The following KRABD2 variants were observed in gnomAD, a reference collection of about 807,000 sequenced individuals.
The protein encoded by KRABD2 is KRAB domain-containing protein 2.
chr17:8,371,394 G>C, the KRABD2 span: 1 of 1,614,088 alleles, frequency 6.2e-7, no homozygotes, highest in South Asian at 1.1e-5. Flanking sequence ...TCCAATCTTT[G>C]GTCATATTTT....
At chr17:8,363,803 A>G in the KRABD2 span, among the ~76,000 whole-genome samples, 1 of 130,106 alleles carries the variant, frequency 7.7e-6, no homozygotes, top group African/African-American at 3.4e-5. Flanking sequence ...TATCATACAT[A>G]TATATATCAT....
chr17:8,371,767 T>TA, the KRABD2 span: 1 of 1,246,492 alleles, frequency 8.0e-7, no homozygotes, highest in South Asian at 3.2e-5. Context: ...TGATGACTCC[T>TA]AACAGGGGTG....
the KRABD2 span, chr17:8,369,513 T>A: frequency 1.9e-6 from 3 of 1,614,126 alleles, no homozygotes; most frequent in Non-Finnish European, 2.5e-6. Flanking sequence ...GTTCTTTACA[T>A]CACGGCTTGC....
chr17:8,374,433 C>G, the KRABD2 span, among the ~76,000 whole-genome samples: 1 of 151,958 alleles, frequency 6.6e-6, no homozygotes, highest in African/African-American at 2.4e-5. Flanking sequence ...GCAGCATGCT[C>G]GCTAAGAGTC....
chr17:8,371,317 A>C, the KRABD2 span: 1 of 1,607,660 alleles, frequency 6.2e-7, no homozygotes. Context: ...ACCCTGTGGG[A>C]CCGTGTTCTC....
At chr17:8,369,213 A>AT in the KRABD2 span, 12 of 1,614,056 alleles carry the variant, frequency 7.4e-6, no homozygotes, top group Admixed American at 1.8e-4. Flanking sequence ...GTCATCGTCC[A>AT]TATCAGATCT....
chr17:8,362,576 G>A, the KRABD2 span, among the ~76,000 whole-genome samples: 3 of 152,144 alleles, frequency 2.0e-5, no homozygotes, highest in Admixed American at 6.5e-5. The surrounding 1 kb of genome is among the most constrained non-coding windows in gnomAD (Gnocchi z 4.2). Context: ...CTCTAAACTC[G>A]GTGGCTTGAA....
At chr17:8,371,356 C>A in the KRABD2 span, 1 of 1,614,202 alleles carries the variant, frequency 6.2e-7, no homozygotes, top group South Asian at 1.1e-5. Context: ...GTCTCTGTAG[C>A]AATCCTTTTG....
chr17:8,363,859 A>ATATATATATATATT, the KRABD2 span, among the ~76,000 whole-genome samples: 2 of 74,964 alleles, frequency 2.7e-5, no homozygotes, highest in Non-Finnish European at 5.6e-5. Context: ...ATATATATAT[A>ATATATATATATATT]TATTTATTTA....
chr17:8,371,944 G>A, the KRABD2 span: 3 of 990,100 alleles, frequency 3.0e-6, no homozygotes, highest in Non-Finnish European at 3.6e-6. Flanking sequence ...GGATTCCTTA[G>A]TCAGAACAGC....
chr17:8,367,446 C>A, the KRABD2 span, among the ~76,000 whole-genome samples: 1 of 151,850 alleles, frequency 6.6e-6, no homozygotes, highest in South Asian at 2.1e-4. Context: ...CTGCAGTGAG[C>A]CCAGATCATG....
At chr17:8,364,662 G>A in the KRABD2 span, among the ~76,000 whole-genome samples, 1 of 152,094 alleles carries the variant, frequency 6.6e-6, no homozygotes, top group African/African-American at 2.4e-5. This position sits in a 1 kb window ranked among gnomAD's most constrained non-coding sequence, Gnocchi z 4.4. Context: ...CATATGCCGA[G>A]TTCTCAAGAG....
the KRABD2 span, chr17:8,369,701 C>T: frequency 6.2e-7 from 1 of 1,614,200 alleles, no homozygotes; most frequent in Non-Finnish European, 8.5e-7. Context: ...CACTGACCAC[C>T]TCATGGGCCT....
chr17:8,371,570 TAAATGGAAG>T, the KRABD2 span: 1 of 1,555,020 alleles, frequency 6.4e-7, no homozygotes, highest in Non-Finnish European at 8.7e-7. Flanking sequence ...GTCAGGTGAA[TAAATGGAAG>T]AAATAAGAAA....
chr17:8,376,260 A>C, the KRABD2 span: 2 of 1,229,744 alleles, frequency 1.6e-6, no homozygotes, highest in Admixed American at 8.4e-5. Context: ...GGTACGGCCG[A>C]GTCTACGCTT....
the KRABD2 span, chr17:8,373,738 C>T: frequency 3.2e-4 from 54 of 170,188 alleles, no homozygotes; most frequent in South Asian, 6.6e-3. Context: ...AGGGTCTCTG[C>T]CCAGCCGCCC....
the KRABD2 span, among the ~76,000 whole-genome samples, chr17:8,367,991 G>A: frequency 0.21 from 30,634 of 146,496 alleles, 3,543 homozygotes; most frequent in Non-Finnish European, 0.27. Context: ...GGTTGGGTGT[G>A]GTGGCGTGTG....
At chr17:8,369,106 T>A in the KRABD2 span, 1 of 1,588,466 alleles carries the variant, frequency 6.3e-7, no homozygotes, top group Non-Finnish European at 8.6e-7. Context: ...GAGAGACACC[T>A]GTGACTGTCC....
chr17:8,376,542 T>C, the KRABD2 span: 1 of 988,458 alleles, frequency 1.0e-6, no homozygotes, highest in Non-Finnish European at 1.2e-6. Flanking sequence ...TCCCACCGCC[T>C]GGATCCATGC....
Sources: gnomAD v4.1 joint callset for allele counts (sites outside exome capture counted in the v4.1 genomes callset) on GRCh38, gnomAD v4.1.1 for gene constraint, Gnocchi (gnomAD v3.1) non-coding constraint, MANE v1.5 for transcripts, NCBI Gene and HGNC (gene_info 2026-07-23, HGNC 2026-07-21) for gene names.